Variants in MYO9A observed in about 807,000 individuals in gnomAD.
MYO9A encodes the protein myosin IXA, also known as unconventional myosin-IXa.
A neutral mutation model predicts 293.3 loss-of-function variants in MYO9A; 103 were observed. The ratio of observed to expected loss-of-function variants is 0.35; its 90% CI spans 0.30 to 0.41. The LOEUF (loss-of-function observed/expected upper bound fraction) is 0.41. MYO9A is among the 10% of genes least tolerant of loss of function. The probability of loss-of-function intolerance (pLI) is 1.00; values close to 1 mark genes in which losing one functional copy is unlikely to be tolerated. For synonymous variants in MYO9A, 1,001 were observed against 1,035.7 expected, an observed-to-expected ratio of 0.97 and a Z score of 0.64; for missense variants, 2,685 against 3,033.0, an observed-to-expected ratio of 0.89 and a Z score of 2.69.
At chr15:72,076,305 A>G (rs2079350181) in intron 1 of MYO9A, among the ~76,000 whole-genome samples, 2 of 95,262 alleles carry the variant, frequency 2.1e-5, no homozygotes, top group Admixed American at 9.7e-5. Flanking sequence ...ACTCTGTCTC[A>G]AAAAAAAAAA....
At chr15:71,858,854 T>TA (rs77677016) in intron 34 of MYO9A, among the ~76,000 whole-genome samples, 4,445 of 125,324 alleles carry the variant, frequency 0.035, 161 homozygotes, top group East Asian at 0.2. Flanking sequence ...TAAAGTATAA[T>TA]AAAAAAAAAA....
intron 1 of MYO9A, among the ~76,000 whole-genome samples, chr15:72,103,404 AAGCAGCAAGC>A (rs1352091562): frequency 6.9e-6 from 1 of 145,896 alleles, no homozygotes; most frequent in African/African-American, 2.7e-5. Flanking sequence ...AAGCAGCAGC[AAGCAGCAAGC>A]AGCAGCAGAA....
At chr15:72,019,189 T>G in intron 5 of MYO9A, 94 bp from the exon 6 acceptor site, 2 of 1,026,318 alleles carry the variant, frequency 1.9e-6, no homozygotes, top group Non-Finnish European at 3.0e-6. Flanking sequence ...ACTGCTGCTC[T>G]CCATTGAAAA....
chr15:71,959,195 A>G (rs990459690), intron 14 of MYO9A: 2 of 152,234 alleles, frequency 1.3e-5, no homozygotes, highest in African/African-American at 4.8e-5. Flanking sequence ...CAAATACTTT[A>G]CAATCTAAAA....
intron 37 of MYO9A, among the ~76,000 whole-genome samples, chr15:71,850,701 G>A (rs1370556448): frequency 6.9e-6 from 1 of 145,124 alleles, no homozygotes; most frequent in African/African-American, 2.5e-5. Context: ...GGGAGGCGGA[G>A]GTTGCAGTGA....
intron 15 of MYO9A, among the ~76,000 whole-genome samples, chr15:71,940,458 T>C (rs2058745098): frequency 6.6e-6 from 1 of 152,010 alleles, no homozygotes; most frequent in African/African-American, 2.4e-5. Flanking sequence ...TGCCACTGCA[T>C]TCTAGCCTGG....
intron 11 of MYO9A, among the ~76,000 whole-genome samples, chr15:71,980,393 T>A (rs1171914854): frequency 6.6e-6 from 1 of 152,240 alleles, no homozygotes; most frequent in Non-Finnish European, 1.5e-5. Context: ...ATTGTCTGTC[T>A]TTTTCATTTT....
rs1051487303 is a variant in MYO9A at position 72,118,084 on chromosome 15, C to T, written c.-476G>A. 1.0e-5 allele frequency: 4 copies of T among 393,448 alleles called. No homozygotes were observed. The highest frequency in any genetic ancestry group is 1.8e-5 in the Non-Finnish European group (4 of 222,786). 24.4% of individuals were successfully genotyped at this position (393,448 alleles called of 1,614,324 possible). A position where few individuals can be genotyped will look rare whatever the true frequency, so the allele number is the denominator to read the frequency against. On this transcript the variant is annotated 5_prime_UTR_variant, in exon 1 of 42. Transcript: ENST00000356056. ...TCCCTTATCCGCTTCGGTCGCGCGC[C>T]CCCGACCCCGCGCACGCGGCCCCGC...
intron 39 of MYO9A, among the ~76,000 whole-genome samples, chr15:71,832,692 T>C (rs1329437302): frequency 6.6e-6 from 1 of 152,084 alleles, no homozygotes; most frequent in Non-Finnish European, 1.5e-5. Context: ...AAAGGAAATA[T>C]TGAAGGAAAG....
intron 1 of MYO9A, among the ~76,000 whole-genome samples, chr15:72,088,154 TA>T (rs2079801293): frequency 6.6e-6 from 1 of 152,220 alleles, no homozygotes; most frequent in African/African-American, 2.4e-5. Flanking sequence ...ACCAGGAGTG[TA>T]GGAAAATAAA....
chr15:71,867,982 C>T (rs1043076670), intron 32 of MYO9A, among the ~76,000 whole-genome samples: 1 of 152,176 alleles, frequency 6.6e-6, no homozygotes, highest in African/African-American at 2.4e-5. Flanking sequence ...GCTGCTGCCA[C>T]AAATTACCAT....
chr15:72,011,720 G>A (rs1324193253), intron 6 of MYO9A, among the ~76,000 whole-genome samples: 1 of 152,160 alleles, frequency 6.6e-6, no homozygotes, highest in Non-Finnish European at 1.5e-5. Context: ...AAAACAATAA[G>A]TGAGTCATAA....
chr15:71,896,428 A>G (rs1009535341), intron 25 of MYO9A, among the ~76,000 whole-genome samples: 1 of 152,192 alleles, frequency 6.6e-6, no homozygotes, highest in African/African-American at 2.4e-5. Flanking sequence ...ATTTGTTTTT[A>G]CGTACCACTT....
rs531351285 is a variant in MYO9A, at chr15:71,827,934, C to G, written c.7133G>C (p.Ser2378Thr). ...AGACTCCATATTCAAATTCTCTGAG[C>G]TATCAGCAGTCCCAATGGAGGCCTC... ...ESEASIGTAD[S>T]SENLNMESEY... is the part of the protein sequence containing the mutation. Residue 2378 changes from serine (S) to threonine (T), a missense_variant, in exon 41 of 42, where the codon AGC becomes ACC. Physicochemically the swap from Ser to Thr is moderately conservative, Grantham distance 58. Coordinates refer to ENST00000356056, the MANE Select transcript of MYO9A (RefSeq NM_006901.4). 7.4e-6 allele frequency: 12 copies of G among 1,613,872 alleles called. No homozygotes were observed. In the South Asian group the frequency reaches 1.3e-4, roughly 18 times the overall value.
chr15:71,865,913 CT>C (rs1243094393), intron 32 of MYO9A, among the ~76,000 whole-genome samples: 1 of 152,200 alleles, frequency 6.6e-6, no homozygotes, highest in Non-Finnish European at 1.5e-5. Context: ...GGTTTTGCAT[CT>C]TTCCCATTTC....
intron 13 of MYO9A, among the ~76,000 whole-genome samples, chr15:71,964,373 A>G (rs1053869001): frequency 6.6e-6 from 1 of 152,068 alleles, no homozygotes; most frequent in Non-Finnish European, 1.5e-5. Context: ...TCAATCAAGC[A>G]TGGTGGCTCA....
intron 13 of MYO9A, among the ~76,000 whole-genome samples, chr15:71,964,153 T>C (rs2075812997): frequency 6.6e-6 from 1 of 152,156 alleles, no homozygotes; most frequent in Non-Finnish European, 1.5e-5. Context: ...ATTTTTTTTA[T>C]ATTATCAGTT....
intron 2 of MYO9A, among the ~76,000 whole-genome samples, chr15:72,038,342 C>T (rs2078121323): frequency 6.6e-6 from 1 of 151,480 alleles, no homozygotes; most frequent in Non-Finnish European, 1.5e-5. Context: ...TTTAACCTGG[C>T]CAAAATACAG....
intron 39 of MYO9A, among the ~76,000 whole-genome samples, chr15:71,837,710 C>G (rs1202789384): frequency 6.6e-6 from 1 of 151,964 alleles, no homozygotes; most frequent in East Asian, 1.9e-4. Flanking sequence ...ATGGAAACTC[C>G]TACAGCCTAG....
Sources: allele counts gnomAD v4.1 joint callset (sites outside exome capture counted in the v4.1 genomes callset), GRCh38; gene constraint gnomAD v4.1.1; transcripts MANE v1.5; gene names NCBI Gene and HGNC (gene_info 2026-07-23, HGNC 2026-07-21).